SMAD2: variants seen among roughly 807,000 people sequenced by gnomAD.
SMAD2 encodes the protein SMAD family member 2, also known as MAD homolog 2.
Under a neutral mutation model 64.4 loss-of-function variants are expected in SMAD2, and 8 were observed. That is an observed-to-expected ratio of 0.12 (90% CI 0.07 to 0.22). The LOEUF (loss-of-function observed/expected upper bound fraction) is 0.22. Among genes scored for constraint, SMAD2 ranks in the 10% least tolerant of loss-of-function variants. The probability of loss-of-function intolerance (pLI) is 1.00; values close to 1 mark genes in which losing one functional copy is unlikely to be tolerated. For synonymous variants in SMAD2, 203 were observed against 195.8 expected (o/e 1.04, Z -0.31); for missense variants, 289 against 561.2 (o/e 0.51, Z 4.90).
rs1251485675 is a variant in SMAD2 at position 47,850,837 on chromosome 18, G to GTATAATA, written c.784+436_784+437insTATTATA. Among the ~76,000 whole-genome samples the GTATAATA allele has an allele frequency of 6.3e-3, 35 of 5,530 alleles. 7 individuals are homozygous for GTATAATA. Among genetic ancestry groups the GTATAATA allele is most frequent in the Admixed American group, 0.023 (7 of 300 alleles). 3.6% of individuals were successfully genotyped at this position (5,530 alleles called of 152,430 possible). On this transcript the variant is annotated intron_variant, in intron 7 of 10. Coordinates refer to ENST00000262160, the MANE Select transcript of SMAD2 (RefSeq NM_005901.6). Reference sequence around the variant, plus strand: ...ATATATTATATATTATATATATTATGTATATTATATATTATATATATTATA... The same window carrying GTATAATA: ...ATATATTATATATTATATATATTATGTATAATATATATTATATATTATATATATTATA...
intron 7 of SMAD2, among the ~76,000 whole-genome samples, chr18:47,850,547 TA>T (rs1213977832): frequency 2.6e-4 from 11 of 41,672 alleles, no homozygotes; most frequent in Admixed American, 4.7e-4. Context: ...GTTATATATA[TA>T]ATATATATTA....
chr18:47,891,531 A>T (rs202141931), intron 2 of SMAD2, among the ~76,000 whole-genome samples: 15 of 123,370 alleles, frequency 1.2e-4, no homozygotes, highest in Admixed American at 3.3e-4. Flanking sequence ...TTTTTTTTTT[A>T]AAGGGACAGA....
chr18:47,864,044 A>T (rs544605904), intron 6 of SMAD2, among the ~76,000 whole-genome samples: 5 of 152,156 alleles, frequency 3.3e-5, no homozygotes, highest in Admixed American at 6.5e-5. Flanking sequence ...TAAATGTCAC[A>T]GTAACAGCTG....
chr18:47,888,199 A>G lies in SMAD2; in HGVS notation c.236+8322T>C, dbSNP rs74822314. Among the ~76,000 whole-genome samples, 1,072 of 146,370 alleles carry G rather than the reference A, an allele frequency of 7.3e-3. 10 individuals are homozygous for G. The highest frequency in any genetic ancestry group is 0.024 in the African/African-American group (946 of 40,246). ...GTTCTTACTAGAGGGGAAAAAAGGG[A>G]AAAAAAAAAAACTTGCTCAAAAGAC... On this transcript the variant is annotated intron_variant, in intron 2 of 10. Transcript: ENST00000262160.
rs908853616 is a variant in SMAD2 at position 47,870,559 on chromosome 18, C to A, written c.242G>T (p.Cys81Phe). ...NTKCVTIPST[C>F]SEIWGLSTPN... ...TGTACTCAGTCCCCAAATTTCAGAG[C>A]AAGTGCTGTGCATAAATTGAAAAAC... Residue 81 changes from cysteine (C) to phenylalanine (F), a missense_variant, in exon 3 of 11, where the codon TGC becomes TTC. Coordinates refer to ENST00000262160, the MANE Select transcript of SMAD2 (RefSeq NM_005901.6). 11 of 1,611,358 alleles carry A rather than the reference C, an allele frequency of 6.8e-6. No homozygotes were observed. The African/African-American group carries it at 1.2e-4, about 18-fold the overall frequency.
chr18:47,857,598 A>G (rs897652943), intron 6 of SMAD2, among the ~76,000 whole-genome samples: 5 of 152,218 alleles, frequency 3.3e-5, no homozygotes, highest in Admixed American at 1.3e-4. Flanking sequence ...ATAGATCCAA[A>G]TAAGTCCATA....
intron 1 of SMAD2, among the ~76,000 whole-genome samples, chr18:47,929,748 CA>C (rs1393036510): frequency 1.2e-4 from 18 of 152,168 alleles, no homozygotes; most frequent in Non-Finnish European, 2.4e-4. Flanking sequence ...GACCCAAAGA[CA>C]ATATCCCCCT....
chr18:47,848,727 A>C (rs1914777924), intron 7 of SMAD2, 40 bp from the exon 8 acceptor site: 3 of 1,375,834 alleles, frequency 2.2e-6, no homozygotes, highest in Non-Finnish European at 2.0e-6. Flanking sequence ...AAAGGAAGAA[A>C]TGCGTGAACA....
chr18:47,854,317 T>C (rs2030451164), intron 6 of SMAD2, among the ~76,000 whole-genome samples: 1 of 152,222 alleles, frequency 6.6e-6, no homozygotes, highest in Admixed American at 6.5e-5. Context: ...GTAGGATACA[T>C]TCGTCAAACC....
rs569083322 is a variant in SMAD2, at chr18:47,833,136, G to C, written c.*8691C>G. 1.0e-5 allele frequency: 2 copies of C among 198,280 alleles called. No individual in the cohort carries two copies. The highest frequency in any genetic ancestry group is 1.6e-4 in the East Asian group (2 of 12,708). The allele number at this position is 198,280 out of a possible 1,614,324, so 12.3% of individuals were successfully genotyped here. Reference sequence around the variant, plus strand: ...TCAAATGGCTTTCTTTTAATGCTAGGAAAACTGTCCACCTTTCAACGGTGA... The same window carrying C: ...TCAAATGGCTTTCTTTTAATGCTAGCAAAACTGTCCACCTTTCAACGGTGA... On this transcript the variant is annotated 3_prime_UTR_variant, in exon 11 of 11. Transcript: ENST00000262160.
intron 2 of SMAD2, among the ~76,000 whole-genome samples, chr18:47,892,814 C>T (rs1380866023): frequency 3.3e-5 from 5 of 152,124 alleles, no homozygotes; most frequent in Non-Finnish European, 5.9e-5. Context: ...AATGTGATTA[C>T]ATGGTCAGAG....
In SMAD2 at chr18:47,827,742, G is replaced by A. The variant is rs899572860; in HGVS notation, c.*14085C>T. On this transcript the variant is annotated 3_prime_UTR_variant, in exon 11 of 11. Coordinates refer to ENST00000262160, the MANE Select transcript of SMAD2 (RefSeq NM_005901.6). Reference sequence around the variant, plus strand: ...CATGATCTGCCCGCCTGGGCCTCCCGAGGTGCTGGGATTGCAGATGGAGTC... The same window carrying A: ...CATGATCTGCCCGCCTGGGCCTCCCAAGGTGCTGGGATTGCAGATGGAGTC... 10 of 172,104 alleles carry A rather than the reference G, an allele frequency of 5.8e-5. No homozygotes were observed. Among genetic ancestry groups the A allele is most frequent in the Admixed American group, 3.2e-4 (5 of 15,616 alleles). The allele number at this position is 172,104 out of a possible 1,614,324, so 10.7% of individuals were successfully genotyped here. A position where few individuals can be genotyped will look rare whatever the true frequency, so the allele number is the denominator to read the frequency against.
Position 47,833,426 on chromosome 18 carries a change from A to T in SMAD2, c.*8401T>A. 1 of 226,762 alleles carries T rather than the reference A, an allele frequency of 4.4e-6. No homozygotes were observed. Among genetic ancestry groups the T allele is most frequent in the Non-Finnish European group, 8.8e-6 (1 of 113,716 alleles). 14.0% of individuals were successfully genotyped at this position (226,762 alleles called of 1,614,324 possible). A position where few individuals can be genotyped will look rare whatever the true frequency, so the allele number is the denominator to read the frequency against. On this transcript the variant is annotated 3_prime_UTR_variant, in exon 11 of 11. Coordinates refer to ENST00000262160, the MANE Select transcript of SMAD2 (RefSeq NM_005901.6). ...TTAATAAAAATAAAAAAGGAACCACATCGTACTTTTGACAATCATAGAACG... is the reference window on the plus strand; with the variant it reads ...TTAATAAAAATAAAAAAGGAACCACTTCGTACTTTTGACAATCATAGAACG...
chr18:47,855,495 C>T (rs975261748), intron 6 of SMAD2, among the ~76,000 whole-genome samples: 1 of 152,182 alleles, frequency 6.6e-6, no homozygotes, highest in Non-Finnish European at 1.5e-5. Flanking sequence ...ATGAGTGTGC[C>T]TGTTGCTCCC....
At chr18:47,889,606 C>T (rs1379838807) in intron 2 of SMAD2, among the ~76,000 whole-genome samples, 1 of 151,954 alleles carries the variant, frequency 6.6e-6, no homozygotes, top group African/African-American at 2.4e-5. Flanking sequence ...TCCGTCTCTA[C>T]TAAAAATACA....
intron 1 of SMAD2, among the ~76,000 whole-genome samples, chr18:47,929,069 C>A (rs1186556469): frequency 3.9e-5 from 6 of 152,106 alleles, no homozygotes; most frequent in Non-Finnish European, 5.9e-5. Context: ...CTTTAAATAT[C>A]TTGTATGGGT....
intron 2 of SMAD2, among the ~76,000 whole-genome samples, chr18:47,886,606 TATC>T (rs1261668075): frequency 7.3e-5 from 11 of 151,002 alleles, no homozygotes; most frequent in African/African-American, 2.4e-4. Context: ...TCTATCTATC[TATC>T]TATCTAACCA....
chr18:47,913,585 C>A (rs1161744032), intron 1 of SMAD2, among the ~76,000 whole-genome samples: 2 of 152,128 alleles, frequency 1.3e-5, no homozygotes, highest in Non-Finnish European at 2.9e-5. Flanking sequence ...AATACATCTT[C>A]AATTAGTTAA....
In SMAD2 at chr18:47,896,707, C is replaced by T; in HGVS notation, c.50G>A (p.Gly17Glu). ...AGACCCACCAGCTGACTTCTTCCAT[C>T]CCAGCAGTCTCTTCACAACTGGCGG... Reference protein sequence around the residue: ...FTPPVVKRLLGWKKSAGGSGG... With the variant: ...FTPPVVKRLLEWKKSAGGSGG... Residue 17 changes from glycine to glutamate, a missense_variant, in exon 2 of 11, where the codon GGA becomes GAA. Transcript: ENST00000262160. 1 of 1,614,112 alleles carries T rather than the reference C, an allele frequency of 6.2e-7. No homozygotes were observed. Among genetic ancestry groups the T allele is most frequent in the Non-Finnish European group, 8.5e-7 (1 of 1,180,000 alleles).
Sources: allele counts gnomAD v4.1 joint callset (sites outside exome capture counted in the v4.1 genomes callset), GRCh38; gene constraint gnomAD v4.1.1; transcripts MANE v1.5; gene names NCBI Gene and HGNC (gene_info 2026-07-23, HGNC 2026-07-21).